Variants in GRAMD4 observed in about 807,000 individuals in gnomAD.
The protein encoded by GRAMD4 is GRAM domain containing 4, also known as GRAM domain-containing protein 4.
A neutral mutation model predicts 83.9 loss-of-function variants in GRAMD4; 25 were observed. That is an observed-to-expected ratio of 0.30 (90% CI 0.22 to 0.42). GRAMD4 has a LOEUF of 0.42. Among genes scored for constraint, GRAMD4 ranks in the 10% least tolerant of loss-of-function variants. GRAMD4 has a pLI of 1.00. For synonymous variants in GRAMD4, 336 were observed against 320.9 expected (o/e 1.05, Z -0.50); for missense variants, 593 against 788.7 (o/e 0.75, Z 2.97).
intron 1 of GRAMD4, among the ~76,000 whole-genome samples, chr22:46,611,877 G>A (rs556652949): frequency 1.3e-4 from 19 of 149,894 alleles, no homozygotes; most frequent in African/African-American, 4.4e-4. Flanking sequence ...GGCACCTATA[G>A]TCCCAGCTAC....
At chr22:46,599,076 G>A (rs2081288025) in intron 1 of GRAMD4, among the ~76,000 whole-genome samples, 2 of 152,276 alleles carry the variant, frequency 1.3e-5, no homozygotes, top group South Asian at 4.2e-4. Flanking sequence ...TGACAGAGAT[G>A]GAGGATCAGA....
chr22:46,623,762 A>G (rs1325715765), intron 1 of GRAMD4, among the ~76,000 whole-genome samples: 2 of 146,460 alleles, frequency 1.4e-5, no homozygotes, highest in Non-Finnish European at 3.0e-5. Context: ...TTTTTGCTAC[A>G]TTGACTACAT....
chr22:46,670,911 C>T, intron 13 of GRAMD4: 1 of 233,538 alleles, frequency 4.3e-6, no homozygotes, highest in East Asian at 1.3e-4. Flanking sequence ...CCCCTGCTGT[C>T]CTTTTTTGTG....
chr22:46,581,824 G>C (rs540879310), intron 1 of GRAMD4, among the ~76,000 whole-genome samples: 2 of 152,222 alleles, frequency 1.3e-5, no homozygotes, highest in Non-Finnish European at 2.9e-5. Context: ...GGCGGAGAGC[G>C]TGCTTGATCT....
At chr22:46,599,682 C>T (rs1358316632) in intron 1 of GRAMD4, among the ~76,000 whole-genome samples, 1 of 152,164 alleles carries the variant, frequency 6.6e-6, no homozygotes, top group East Asian at 1.9e-4. Context: ...ACCTAGCAAC[C>T]TGCATTTAAT....
chr22:46,658,459 A>T, intron 4 of GRAMD4, 152 bp downstream of exon 4: 2 of 724,266 alleles, frequency 2.8e-6, no homozygotes, highest in Admixed American at 2.6e-5. Context: ...CCCGGCTCTG[A>T]CTGCCCAGGT....
intron 5 of GRAMD4, 46 bp from the exon 6 acceptor site, chr22:46,662,994 G>T: frequency 2.6e-6 from 4 of 1,540,328 alleles, no homozygotes; most frequent in South Asian, 1.2e-5. Context: ...CCCAGAACAG[G>T]CAGTGCAGCC....
chr22:46,639,423 AGTGTGT>A lies in GRAMD4; in HGVS notation c.283+1472_283+1477del, dbSNP rs369387616. ...GCATGTGTGCAGTGTTAGTTAATCC[AGTGTGT>A]GTGTGTGTCTGCGTGTGCAGCAGTA... On this transcript the variant is annotated intron_variant, in intron 3 of 18. Coordinates refer to ENST00000406902, the MANE Select transcript of GRAMD4 (RefSeq NM_015124.5). 2.1e-5 allele frequency among the ~76,000 whole-genome samples: 3 copies of A among 142,352 alleles called. No individual in the cohort carries two copies. In the East Asian group the frequency reaches 6.1e-4, roughly 29 times the overall value. 93.4% of individuals were successfully genotyped at this position (142,352 alleles called of 152,430 possible).
chr22:46,671,177 C>A (rs1181334814), intron 13 of GRAMD4: 1 of 444,224 alleles, frequency 2.3e-6, no homozygotes, highest in Non-Finnish European at 4.8e-6. Context: ...TGGAGGAGGC[C>A]TGGGAGCTCA....
chr22:46,585,847 C>CTCT (rs755921468), intron 1 of GRAMD4, among the ~76,000 whole-genome samples: 47 of 152,174 alleles, frequency 3.1e-4, no homozygotes, highest in Non-Finnish European at 5.1e-4. Context: ...TTGAGACCGG[C>CTCT]CTCTCAGGTC....
Position 46,580,966 on chromosome 22 carries a change from T to C in GRAMD4, c.-50+3676T>C, listed in dbSNP as rs60568608. Among the ~76,000 whole-genome samples, 555 of 81,492 alleles carry C rather than the reference T, an allele frequency of 6.8e-3. 2 individuals carry two copies. The highest frequency in any genetic ancestry group is 0.021 in the African/African-American group (496 of 23,556). The allele number at this position is 81,492 out of a possible 152,430, so 53.5% of individuals were successfully genotyped here. On this transcript the variant is annotated intron_variant, in intron 1 of 1. Coordinates refer to the GRAMD4 transcript ENST00000431155. The stretch of plus-strand genomic sequence containing the variant: ...TGGGCAACAAGAGCGAAACTCCATC[T>C]CAAAAAAAAAAAAAAAAAGAAAGAA...
chr22:46,611,745 G>A (rs920963746), intron 1 of GRAMD4, among the ~76,000 whole-genome samples: 1 of 151,670 alleles, frequency 6.6e-6, no homozygotes, highest in African/African-American at 2.4e-5. Flanking sequence ...AATCCTAGCA[G>A]TTTGGGAGGC....
chr22:46,616,204 A>G (rs140219154), upstream of GRAMD4, among the ~76,000 whole-genome samples: 18,063 of 23,194 alleles, frequency 0.78, 7,106 homozygotes, highest in East Asian at 1. Flanking sequence ...GTTCCCCTGT[A>G]TGTACGTTCC....
At chr22:46,631,470 C>T (rs112774409) in intron 2 of GRAMD4, among the ~76,000 whole-genome samples, 69 of 129,586 alleles carry the variant, frequency 5.3e-4, no homozygotes, top group Non-Finnish European at 7.7e-4. Context: ...TAGAACCTCA[C>T]GGCCTGTGTC....
chr22:46,630,171 C>A (rs1223410141), intron 2 of GRAMD4, among the ~76,000 whole-genome samples: 2 of 152,040 alleles, frequency 1.3e-5, no homozygotes, highest in African/African-American at 4.8e-5. Flanking sequence ...ATTACAGGCA[C>A]ACACCACCAC....
intron 3 of GRAMD4, among the ~76,000 whole-genome samples, chr22:46,642,769 A>G (rs1408700502): frequency 6.6e-6 from 1 of 152,162 alleles, no homozygotes; most frequent in African/African-American, 2.4e-5. Flanking sequence ...AAATTTTGAC[A>G]TGATTTCAGA....
intron 1 of GRAMD4, among the ~76,000 whole-genome samples, chr22:46,599,945 G>A (rs974940514): frequency 2.6e-4 from 39 of 151,854 alleles, no homozygotes; most frequent in African/African-American, 9.4e-4. Context: ...CTCACCACCG[G>A]CGGCACCTTC....
intron 1 of GRAMD4, among the ~76,000 whole-genome samples, chr22:46,623,657 A>G (rs1398668129): frequency 6.6e-6 from 1 of 151,784 alleles, no homozygotes; most frequent in African/African-American, 2.4e-5. Flanking sequence ...CGGCCTCCCA[A>G]AGTGCTGAGA....
At chr22:46,660,680 T>C (rs907999321) in intron 4 of GRAMD4, among the ~76,000 whole-genome samples, 1 of 152,206 alleles carries the variant, frequency 6.6e-6, no homozygotes, top group Non-Finnish European at 1.5e-5. Flanking sequence ...AAAACCTCAC[T>C]GTCTGCTTCC....
Sources: gnomAD v4.1 joint callset for allele counts (sites outside exome capture counted in the v4.1 genomes callset) on GRCh38, gnomAD v4.1.1 for gene constraint, MANE v1.5 for transcripts, NCBI Gene and HGNC (gene_info 2026-07-23, HGNC 2026-07-21) for gene names.